Variants in DGKI observed in about 807,000 individuals in gnomAD.
The protein encoded by DGKI is diacylglycerol kinase iota.
DGKI carries 55 observed loss-of-function variants against 147.5 expected under a neutral mutation model. The observed-to-expected ratio is 0.37, with a 90% CI of 0.30 to 0.47. The LOEUF is 0.47. DGKI is among the 20% of genes least tolerant of loss of function. The pLI is 1.00. For synonymous variants in DGKI, 469 were observed against 477.1 expected, an observed-to-expected ratio of 0.98 and a Z score of 0.22; for missense variants, 1,007 against 1,323.8, an observed-to-expected ratio of 0.76 and a Z score of 3.71.
intron 1 of DGKI, among the ~76,000 whole-genome samples, chr7:137,693,256 A>G (rs1823671931): frequency 6.6e-6 from 1 of 152,100 alleles, no homozygotes; most frequent in African/African-American, 2.4e-5. Flanking sequence ...AAAAAAAATC[A>G]ATGGGGTTTC....
In DGKI at chr7:137,469,590, G is replaced by T; in HGVS notation, c.2403C>A (p.Leu801=). The T allele has an allele frequency of 6.2e-7, 1 of 1,614,032 alleles. No individual in the cohort carries two copies. The highest frequency in any genetic ancestry group is 1.1e-5 in the South Asian group (1 of 91,062). The change falls in exon 24 of 33, where the codon CTC becomes CTA. Residue 801 remains leucine, a synonymous_variant. Coordinates refer to ENST00000614521, the MANE Select transcript of DGKI (RefSeq NM_001321708.2). ...ACCGAGGAGAGAGCCTCTGTGCTGAGAGAGCCCTGGGGAAGGAGGTTTCAT... is the reference window on the plus strand; with the variant it reads ...ACCGAGGAGAGAGCCTCTGTGCTGATAGAGCCCTGGGGAAGGAGGTTTCAT... ...QDHETSFPRA[L]SAQRLSPRWC... is the part of the protein sequence containing the mutation.
chr7:137,402,858 G>A (rs564654489), intron 30 of DGKI, among the ~76,000 whole-genome samples: 1 of 151,754 alleles, frequency 6.6e-6, no homozygotes, highest in South Asian at 2.1e-4. Flanking sequence ...GAAAAAGGGG[G>A]GTTAAAAAAA....
At chr7:137,735,550 C>T (rs1188500734) in intron 1 of DGKI, among the ~76,000 whole-genome samples, 1 of 149,318 alleles carries the variant, frequency 6.7e-6, no homozygotes, top group East Asian at 2.0e-4. Flanking sequence ...CGGGTTTTTT[C>T]TTTTATAAAA....
rs536325569 is a variant in DGKI, at chr7:137,773,472, G to T, written c.401+72990C>A. ...AGCCCTGAAACCTGGTGACTCTGAG[G>T]GACCCTCTTCTCAGGATGCTTTAAT... On this transcript the variant is annotated intron_variant, in intron 1 of 32. Transcript: ENST00000614521. Among the ~76,000 whole-genome samples the T allele has an allele frequency of 6.6e-5, 10 of 152,254 alleles. No individual in the cohort carries two copies. The South Asian group carries it at 1.0e-3, about 16-fold the overall frequency.
chr7:137,552,462 C>T lies in DGKI; in HGVS notation c.2054G>A (p.Arg685Lys). 3 of 1,614,164 alleles carry T rather than the reference C, an allele frequency of 1.9e-6. No individual in the cohort carries two copies. The highest frequency in any genetic ancestry group is 2.2e-5 in the South Asian group (2 of 91,070). The change falls in exon 20 of 33, where the codon AGG becomes AAG. Residue 685 changes from arginine to lysine, a missense_variant. Coordinates refer to ENST00000614521, the MANE Select transcript of DGKI (RefSeq NM_001321708.2). ...IPMQVDGEPC[R>K]LAPAMIRISL... is the part of the protein sequence containing the mutation. Reference sequence around the variant, plus strand: ...GATCCGAATCATAGCTGGGGCCAACCTACAGGGCTCCCCATCCACTTGCAT... The same window carrying T: ...GATCCGAATCATAGCTGGGGCCAACTTACAGGGCTCCCCATCCACTTGCAT...
chr7:137,469,087 C>T (rs1282059335), intron 24 of DGKI, among the ~76,000 whole-genome samples: 1 of 152,100 alleles, frequency 6.6e-6, no homozygotes, highest in Non-Finnish European at 1.5e-5. Context: ...CGGATCTGAG[C>T]AGATTTGAAT....
At chr7:137,690,051 A>T in intron 1 of DGKI, 49 bp from the exon 2 acceptor site, 1 of 1,450,906 alleles carries the variant, frequency 6.9e-7, no homozygotes, top group Non-Finnish European at 9.4e-7. Context: ...AACCAACATC[A>T]GAATCTCATA....
chr7:137,402,582 T>C (rs1027783601), intron 30 of DGKI, among the ~76,000 whole-genome samples: 1 of 152,262 alleles, frequency 6.6e-6, no homozygotes, highest in Non-Finnish European at 1.5e-5. Flanking sequence ...ATATATGACG[T>C]GCCTTTTGTC....
At chr7:137,522,168 A>T (rs969813436) in intron 20 of DGKI, among the ~76,000 whole-genome samples, 12 of 152,074 alleles carry the variant, frequency 7.9e-5, no homozygotes, top group African/African-American at 2.9e-4. Flanking sequence ...TGGAATTTAC[A>T]TAAGAATATA....
chr7:137,498,149 A>G (rs1264879139), intron 21 of DGKI, among the ~76,000 whole-genome samples: 1 of 151,884 alleles, frequency 6.6e-6, no homozygotes, highest in Admixed American at 6.6e-5. Flanking sequence ...AAGAGTACAA[A>G]ACCCTTTGAA....
intron 1 of DGKI, among the ~76,000 whole-genome samples, chr7:137,839,887 C>T (rs1798495611): frequency 6.6e-6 from 1 of 152,124 alleles, no homozygotes; most frequent in Non-Finnish European, 1.5e-5. Flanking sequence ...ATGACAGAAG[C>T]CCCTGTTAGA....
intron 27 of DGKI, among the ~76,000 whole-genome samples, chr7:137,455,657 T>C (rs1423187687): frequency 7.7e-6 from 1 of 129,538 alleles, no homozygotes; most frequent in African/African-American, 2.8e-5. Flanking sequence ...GGGCGGGGAA[T>C]GTGGTCTCCA....
At chr7:137,620,616 C>T (rs1443338714) in intron 7 of DGKI, among the ~76,000 whole-genome samples, 2 of 152,102 alleles carry the variant, frequency 1.3e-5, no homozygotes, top group African/African-American at 4.8e-5. Flanking sequence ...GACCCTATTA[C>T]TCTTGGCAAG....
chr7:137,776,678 T>C (rs779570401), intron 1 of DGKI, among the ~76,000 whole-genome samples: 1 of 152,212 alleles, frequency 6.6e-6, no homozygotes, highest in South Asian at 2.1e-4. Context: ...ACGCAATCGA[T>C]CATCTATGAT....
At chr7:137,441,890 T>C (rs1813524902) in intron 28 of DGKI, among the ~76,000 whole-genome samples, 1 of 152,198 alleles carries the variant, frequency 6.6e-6, no homozygotes, top group Non-Finnish European at 1.5e-5. Flanking sequence ...ACAAATAATA[T>C]GTAAGATTGA....
chr7:137,628,774 A>G (rs1821029457), intron 6 of DGKI, among the ~76,000 whole-genome samples: 1 of 152,182 alleles, frequency 6.6e-6, no homozygotes, highest in Non-Finnish European at 1.5e-5. Context: ...GAGCCTTTGG[A>G]ATAAAGTTTA....
At chr7:137,427,571 A>C (rs939229130) in intron 28 of DGKI, among the ~76,000 whole-genome samples, 3 of 152,238 alleles carry the variant, frequency 2.0e-5, no homozygotes, top group Admixed American at 6.5e-5. Flanking sequence ...TGAAGGAAAT[A>C]GTGACACAAA....
At chr7:137,770,944 T>C (rs1257082094) in intron 1 of DGKI, among the ~76,000 whole-genome samples, 1 of 152,204 alleles carries the variant, frequency 6.6e-6, no homozygotes, top group Non-Finnish European at 1.5e-5. Flanking sequence ...TTACCCACTT[T>C]ACCTATGGTA....
chr7:137,554,914 C>CTTTTTTTTTTTTTTTTTTTTTTTTTTTT (rs757320303), intron 19 of DGKI, among the ~76,000 whole-genome samples: 1 of 107,428 alleles, frequency 9.3e-6, no homozygotes, highest in Non-Finnish European at 1.8e-5. Context: ...AAACTATTTT[C>CTTTTTTTTTTTTTTTTTTTTTTTTTTTT]TTTTTTTTTT....
Sources: gnomAD v4.1 joint callset for allele counts (sites outside exome capture counted in the v4.1 genomes callset) on GRCh38, gnomAD v4.1.1 for gene constraint, MANE v1.5 for transcripts, NCBI Gene and HGNC (gene_info 2026-07-23, HGNC 2026-07-21) for gene names.